The following PIGB variants were observed in gnomAD, a reference collection of about 807,000 sequenced individuals.
The protein encoded by PIGB is GPI alpha-1,2-mannosyltransferase 3.
In PIGB, 58 loss-of-function variants were observed where a neutral mutation model predicts 68.4. The observed-to-expected ratio is 0.85, with a 90% CI of 0.69 to 1.06. The LOEUF is 1.06. Ranked by LOEUF, PIGB falls within the 50% of genes least tolerant of loss-of-function variation. PIGB has a pLI of 0.00. For synonymous variants in PIGB, 219 were observed against 220.5 expected, an observed-to-expected ratio of 0.99 and a Z score of 0.06; for missense variants, 634 against 655.8, an observed-to-expected ratio of 0.97 and a Z score of 0.36.
chr15:55,350,644 T>G (rs2055900719), intron 9 of PIGB, 55 bp from the exon 10 acceptor site: 3 of 1,085,410 alleles, frequency 2.8e-6, no homozygotes, highest in Non-Finnish European at 2.8e-6. Flanking sequence ...GTATTTGCAG[T>G]TAACATAACA....
chr15:55,354,814 C>T lies in PIGB; in HGVS notation c.1354C>T (p.Leu452Phe), dbSNP rs749012470. Residue 452 changes from leucine to phenylalanine, a missense_variant, in exon 11 of 12, where the codon CTT becomes TTT. Leu to Phe is a conservative substitution (Grantham distance 22, BLOSUM62 0). Transcript: ENST00000164305. ...TPYYSHVHCP[L>F]PMRFLQCPPD... is the part of the protein sequence containing the mutation. ...TTTTCATAGCCATGTTCACTGCCCA[C>T]TTCCCATGAGATTTCTCCAGTGCCC... The T allele has an allele frequency of 3.1e-6, 5 of 1,610,072 alleles. No homozygotes were observed. The highest frequency in any genetic ancestry group is 4.2e-6 in the Non-Finnish European group (5 of 1,178,858).
chr15:55,346,615 A>G (rs571793936), intron 9 of PIGB: 1 of 152,326 alleles, frequency 6.6e-6, no homozygotes, highest in Admixed American at 6.5e-5. Context: ...CCTATACTTT[A>G]GTCACTGGGG....
chr15:55,322,961 C>T (rs1440905152), intron 3 of PIGB, among the ~76,000 whole-genome samples: 1 of 152,134 alleles, frequency 6.6e-6, no homozygotes, highest in East Asian at 1.9e-4. Flanking sequence ...AAGAGGTCTT[C>T]AAGATAGAAA....
rs148054856 is a variant in PIGB at position 55,328,611 on chromosome 15, C to T, written c.522+976C>T. Among the ~76,000 whole-genome samples, 82 of 152,238 alleles carry T rather than the reference C, an allele frequency of 5.4e-4. 2 individuals are homozygous for T. The highest frequency in any genetic ancestry group is 2.8e-3 in the Admixed American group (43 of 15,282). On this transcript the variant is annotated intron_variant, in intron 4 of 11. Transcript: ENST00000164305. ...TTGTGCTTATACTTTATGTACATTG[C>T]AGAAGGCTCAACATAAAATGGTAGG...
At chr15:55,325,925 G>A (rs1016553384) in intron 3 of PIGB, among the ~76,000 whole-genome samples, 2 of 151,932 alleles carry the variant, frequency 1.3e-5, no homozygotes, top group South Asian at 2.1e-4. Context: ...CGCTGGGCAC[G>A]GTTGCTCACT....
chr15:55,354,582 T>C (rs1483399573), intron 10 of PIGB: 3 of 478,850 alleles, frequency 6.3e-6, no homozygotes, highest in East Asian at 7.5e-5. Flanking sequence ...TTTGGGCTTA[T>C]AGGTTATACT....
At chr15:55,335,936 A>G (rs1382517035) in intron 6 of PIGB, among the ~76,000 whole-genome samples, 2 of 152,172 alleles carry the variant, frequency 1.3e-5, no homozygotes, top group African/African-American at 4.8e-5. Context: ...GCATGATAAT[A>G]ACTTATTCAT....
intron 9 of PIGB, among the ~76,000 whole-genome samples, chr15:55,347,993 T>C (rs1046240223): frequency 1.4e-5 from 2 of 139,234 alleles, no homozygotes; most frequent in Non-Finnish European, 3.0e-5. Flanking sequence ...CTTTTTTTTT[T>C]TTTTTTTTTT....
At chr15:55,324,798 A>G (rs1566947465) in intron 3 of PIGB, 2 of 985,024 alleles carry the variant, frequency 2.0e-6, no homozygotes, top group East Asian at 2.3e-4. Flanking sequence ...GGAAGTAAGG[A>G]TGAAGCTTAT....
intron 4 of PIGB, among the ~76,000 whole-genome samples, chr15:55,329,100 A>T (rs1399357625): frequency 2.6e-5 from 4 of 152,184 alleles, no homozygotes; most frequent in Admixed American, 1.3e-4. Context: ...TCAACTAACA[A>T]GTTTCTTTTA....
chr15:55,319,688 T>C (rs1269564027), intron 1 of PIGB: 2 of 276,830 alleles, frequency 7.2e-6, no homozygotes, highest in African/African-American at 2.2e-5. Context: ...AGACCCGGGT[T>C]TGAATCCTGA....
Position 55,355,345 on chromosome 15 carries a change from T to A in PIGB, c.1578T>A (p.Thr526=). 6.2e-7 allele frequency: 1 copy of A among 1,611,150 alleles called. No individual in the cohort carries two copies. The highest frequency in any genetic ancestry group is 8.5e-7 in the Non-Finnish European group (1 of 1,177,492). The change falls in exon 12 of 12, where the codon ACT becomes ACA. Residue 526 remains threonine, a synonymous_variant. Coordinates refer to ENST00000164305, the MANE Select transcript of PIGB (RefSeq NM_004855.5). ...AAAGAACTGCTGTTTTCTTCCACACTCACTTGCCAGAGGGTCGAATTGGAA... is the reference window on the plus strand; with the variant it reads ...AAAGAACTGCTGTTTTCTTCCACACACACTTGCCAGAGGGTCGAATTGGAA... ...NYKRTAVFFH[T]HLPEGRIGSH...
chr15:55,341,802 GGTAA>G lies in PIGB; in HGVS notation c.1123+3_1123+6del, dbSNP rs753044397. 1 of 1,400,902 alleles carries G rather than the reference GGTAA, an allele frequency of 7.1e-7. No homozygotes were observed. Among genetic ancestry groups the G allele is most frequent in the South Asian group, 1.6e-5 (1 of 61,144 alleles). 86.8% of individuals were successfully genotyped at this position (1,400,902 alleles called of 1,614,324 possible). ...TTTACCATTCTGTATGGTGTTCTGT[GGTAA>G]GTGCTTTTGTTTGTTATAGAAAATA... On this transcript the variant is annotated splice_donor_variant and splice_donor_region_variant and intron_variant, in intron 9 of 11. Coordinates refer to ENST00000164305, the MANE Select transcript of PIGB (RefSeq NM_004855.5). LOFTEE classifies it high-confidence loss of function.
At chr15:55,350,657 A>T in intron 9 of PIGB, 42 bp from the exon 10 acceptor site, 1 of 1,235,540 alleles carries the variant, frequency 8.1e-7, no homozygotes. Flanking sequence ...ACATAACAAA[A>T]GATTGTCAGT....
At chr15:55,321,218 A>C (rs551037390) in intron 2 of PIGB, 55 bp from the exon 3 acceptor site, 2 of 1,462,620 alleles carry the variant, frequency 1.4e-6, no homozygotes, top group African/African-American at 1.4e-5. Flanking sequence ...AAAAAAAAAA[A>C]AAACACGGAA....
intron 9 of PIGB, among the ~76,000 whole-genome samples, chr15:55,349,126 G>A (rs1024080762): frequency 6.9e-6 from 1 of 145,324 alleles, no homozygotes; most frequent in African/African-American, 2.6e-5. Context: ...CAAGTGATCC[G>A]CCTGCCTTGT....
At position 55,329,753 on chromosome 15, in the gene PIGB, A is replaced by G. The variant is rs767133801; in HGVS notation, c.552A>G (p.Thr184=). The G allele has an allele frequency of 4.3e-6, 7 of 1,610,762 alleles. No individual in the cohort carries two copies. The highest frequency in any genetic ancestry group is 1.3e-5 in the African/African-American group (1 of 74,794). The part of the protein sequence containing the change: ...VFFCQLCSWF[T]WYCCTRTLTN... ...TTTGCCAGTTGTGCTCCTGGTTCAC[A>G]TGGTATTGCTGTACCAGAACCCTTA... is the stretch of plus-strand genomic sequence containing the variant. Residue 184 remains threonine (T), a synonymous_variant, in exon 5 of 12, where the codon ACA becomes ACG. Transcript: ENST00000164305.
chr15:55,339,051 T>G (rs1246270193), intron 6 of PIGB, among the ~76,000 whole-genome samples: 1 of 152,234 alleles, frequency 6.6e-6, no homozygotes, highest in Non-Finnish European at 1.5e-5. Context: ...ATCTTTTTAT[T>G]AATATATTTT....
rs1678258054 is a variant in PIGB at position 55,321,401 on chromosome 15, A to G, written c.417+11A>G. 1.9e-6 allele frequency: 3 copies of G among 1,571,210 alleles called. No individual in the cohort carries two copies. The highest frequency in any genetic ancestry group is 8.6e-7 in the Non-Finnish European group (1 of 1,158,892). On this transcript the variant is annotated intron_variant, in intron 3 of 11. Transcript: ENST00000164305. ...AGTGTTCAGTTGCTGGTAAGTTTAA[A>G]TAAAAGTAACTAAATGATATTGGGG...
Sources: gnomAD v4.1 joint callset for allele counts (sites outside exome capture counted in the v4.1 genomes callset) on GRCh38, gnomAD v4.1.1 for gene constraint, MANE v1.5 for transcripts, NCBI Gene and HGNC (gene_info 2026-07-23, HGNC 2026-07-21) for gene names.